Variants in TAOK3 observed in about 807,000 individuals in gnomAD.
The protein encoded by TAOK3 is TAO kinase 3, also known as serine/threonine-protein kinase TAO3.
TAOK3 carries 40 observed loss-of-function variants against 120.4 expected under a neutral mutation model. That is an observed-to-expected ratio of 0.33 (90% CI 0.26 to 0.43). TAOK3 has a LOEUF of 0.43. Ranked by LOEUF, TAOK3 falls within the 20% of genes least tolerant of loss-of-function variation. The probability of loss-of-function intolerance (pLI) is 1.00; values close to 1 mark genes in which losing one functional copy is unlikely to be tolerated. For missense variants in TAOK3, 821 were observed against 1,112.1 expected (o/e 0.74, Z 3.72); for synonymous variants, 355 against 387.5 (o/e 0.92, Z 0.99).
chr12:118,275,051 CAT>C (rs1270671347), intron 1 of TAOK3, among the ~76,000 whole-genome samples: 1 of 152,156 alleles, frequency 6.6e-6, no homozygotes, highest in Non-Finnish European at 1.5e-5. Context: ...GATGTGTCTA[CAT>C]AAATCCCAAA....
chr12:118,172,349 G>A, intron 17 of TAOK3, 108 bp downstream of exon 17: 2 of 1,201,858 alleles, frequency 1.7e-6, no homozygotes, highest in Non-Finnish European at 2.4e-6. Flanking sequence ...GTGCTAAAAG[G>A]CTAGAAAGGC....
At chr12:118,258,680 C>G (rs990125029) in intron 2 of TAOK3, among the ~76,000 whole-genome samples, 1 of 149,564 alleles carries the variant, frequency 6.7e-6, no homozygotes, top group Non-Finnish European at 1.5e-5. Flanking sequence ...CCACTGCATT[C>G]AAGCCTGGTG....
intron 9 of TAOK3, among the ~76,000 whole-genome samples, chr12:118,225,205 G>A (rs571320636): frequency 7.5e-6 from 1 of 134,170 alleles, no homozygotes; most frequent in Admixed American, 9.0e-5. Flanking sequence ...CCAAGATCGC[G>A]CCATTGCACT....
chr12:118,208,598 G>A lies in TAOK3; in HGVS notation c.819+4316C>T, dbSNP rs187461824. The stretch of plus-strand genomic sequence containing the variant: ...AAAGTATCAGTCTTCATACTTTCAC[G>A]GTGGGACTATAAATTGGTGCAACTG... On this transcript the variant is annotated intron_variant, in intron 11 of 20. Coordinates refer to ENST00000392533, the MANE Select transcript of TAOK3 (RefSeq NM_016281.4). Among the ~76,000 whole-genome samples, 13 of 152,166 alleles carry A rather than the reference G, an allele frequency of 8.5e-5. 1 individual carries two copies. The highest frequency in any genetic ancestry group is 3.4e-3 in the Middle Eastern group (1 of 294).
intron 1 of TAOK3, among the ~76,000 whole-genome samples, chr12:118,365,408 T>G: frequency 6.6e-6 from 1 of 151,854 alleles, no homozygotes; most frequent in Non-Finnish European, 1.5e-5. Context: ...AATTTTTGTA[T>G]TTTTTGTAGA....
At chr12:118,310,047 G>A (rs533478144) in intron 1 of TAOK3, among the ~76,000 whole-genome samples, 26 of 152,252 alleles carry the variant, frequency 1.7e-4, no homozygotes, top group Admixed American at 1.7e-3. Context: ...GGCTGAGGCA[G>A]GCAGATCGCT....
chr12:118,205,439 T>A (rs2038247249), intron 11 of TAOK3, among the ~76,000 whole-genome samples: 1 of 152,072 alleles, frequency 6.6e-6, no homozygotes, highest in Non-Finnish European at 1.5e-5. Flanking sequence ...TTAGGTGATT[T>A]CCATAGCTAA....
chr12:118,263,309 G>C (rs2041311022), intron 2 of TAOK3, among the ~76,000 whole-genome samples: 1 of 152,036 alleles, frequency 6.6e-6, no homozygotes, highest in African/African-American at 2.4e-5. Context: ...ACAGATATTT[G>C]GTCCATACTA....
intron 9 of TAOK3, among the ~76,000 whole-genome samples, chr12:118,227,473 C>T (rs2039564334): frequency 6.6e-6 from 1 of 151,746 alleles, no homozygotes; most frequent in Non-Finnish European, 1.5e-5. Flanking sequence ...TTTTATATGG[C>T]CTAAAACATA....
chr12:118,189,677 A>G, intron 14 of TAOK3, 130 bp downstream of exon 14: 3 of 1,137,014 alleles, frequency 2.6e-6, no homozygotes, highest in Admixed American at 2.4e-5. Flanking sequence ...TAAAATTATT[A>G]GGAGAGAGAA....
chr12:118,305,404 C>A (rs905318642), intron 1 of TAOK3, among the ~76,000 whole-genome samples: 2 of 151,922 alleles, frequency 1.3e-5, no homozygotes, highest in Non-Finnish European at 2.9e-5. Flanking sequence ...ACCTGGGAGG[C>A]GGAGGTTGCA....
At chr12:118,168,511 A>T (rs1033988869) in intron 17 of TAOK3, among the ~76,000 whole-genome samples, 7 of 152,220 alleles carry the variant, frequency 4.6e-5, no homozygotes, top group African/African-American at 1.7e-4. Flanking sequence ...TAAAACTGTT[A>T]AAAAGAACTT....
chr12:118,210,350 G>T (rs150465656), intron 11 of TAOK3, among the ~76,000 whole-genome samples: 122 of 152,220 alleles, frequency 8.0e-4, no homozygotes, highest in African/African-American at 2.8e-3. Context: ...ATCTTGGCTG[G>T]CTCACAATTC....
rs2139170423 is a variant in TAOK3, at chr12:118,195,213, G to GA, written c.1194+3837dup. Among the ~76,000 whole-genome samples the GA allele has an allele frequency of 2.0e-5, 3 of 152,088 alleles. 1 individual carries two copies. The East Asian group carries it at 5.8e-4, about 29-fold the overall frequency. ...CATACCTAAAATAACACTGATTCAA[G>GA]AACAATGCTTTTAATATATTAAAGT... On this transcript the variant is annotated intron_variant, in intron 13 of 20. Transcript: ENST00000392533.
At chr12:118,165,372 T>C (rs2035515130) in intron 17 of TAOK3, among the ~76,000 whole-genome samples, 1 of 152,164 alleles carries the variant, frequency 6.6e-6, no homozygotes, top group South Asian at 2.1e-4. Flanking sequence ...TGAGCCTGAG[T>C]TGCTAAGAGC....
intron 11 of TAOK3, among the ~76,000 whole-genome samples, chr12:118,207,714 A>T (rs2139390451): frequency 6.6e-6 from 1 of 152,110 alleles, no homozygotes; most frequent in South Asian, 2.1e-4. Flanking sequence ...AACTAGCCAG[A>T]CATGGTGGCG....
At chr12:118,261,403 TG>T (rs2041222624) in intron 2 of TAOK3, 1 of 152,174 alleles carries the variant, frequency 6.6e-6, no homozygotes, top group Non-Finnish European at 1.5e-5. Context: ...TCAAAATTTG[TG>T]ATAAAGAGAA....
intron 9 of TAOK3, among the ~76,000 whole-genome samples, chr12:118,220,329 C>G (rs1303657467): frequency 6.6e-6 from 1 of 152,056 alleles, no homozygotes; most frequent in Non-Finnish European, 1.5e-5. Flanking sequence ...CAGGTGGCCC[C>G]TAATACTTTT....
At chr12:118,162,119 ACTGCTAACCATCT>A in intron 17 of TAOK3, 92 bp from the exon 18 acceptor site, 1 of 1,468,890 alleles carries the variant, frequency 6.8e-7, no homozygotes, top group Non-Finnish European at 9.3e-7. Context: ...AAGGAATGGC[ACTGCTAACCATCT>A]CTTAATTAAA....
Sources: allele counts gnomAD v4.1 joint callset (sites outside exome capture counted in the v4.1 genomes callset), GRCh38; gene constraint gnomAD v4.1.1; transcripts MANE v1.5; gene names NCBI Gene and HGNC (gene_info 2026-07-23, HGNC 2026-07-21).